The following RYR1 variants were observed in gnomAD, a reference collection of about 807,000 sequenced individuals.
RYR1 encodes ryanodine receptor 1, also known as central core disease of muscle.
In RYR1, 342 loss-of-function variants were observed where a neutral mutation model predicts 583.5. The observed-to-expected ratio is 0.59, with a 90% CI of 0.54 to 0.64. The LOEUF is 0.64. Ranked by LOEUF, RYR1 falls within the 30% of genes least tolerant of loss-of-function variation. The pLI is 0.00. For missense variants in RYR1, 6,032 were observed against 6,917.2 expected (o/e 0.87, Z 4.54); for synonymous variants, 2,791 against 2,822.5 (o/e 0.99, Z 0.35).
At chr19:38,584,849 G>A (rs553707381) in intron 101 of RYR1, 94 bp from the exon 102 acceptor site, 9 of 1,497,844 alleles carry the variant, frequency 6.0e-6, no homozygotes, top group South Asian at 4.7e-5. Context: ...TGTCTCAGTC[G>A]TTACCATGTC....
intron 13 of RYR1, among the ~76,000 whole-genome samples, chr19:38,454,259 C>G (rs1341205605): frequency 1.3e-5 from 2 of 152,196 alleles, no homozygotes; most frequent in Non-Finnish European, 2.9e-5. Flanking sequence ...AGGCTCGTCT[C>G]AAACTCCTGA....
chr19:38,474,795 G>C (rs543551750), intron 28 of RYR1, among the ~76,000 whole-genome samples: 1 of 150,956 alleles, frequency 6.6e-6, no homozygotes, highest in Admixed American at 6.6e-5. Flanking sequence ...GGCTGGTCTT[G>C]AACTCCTGAC....
At position 38,473,411 on chromosome 19, in the gene RYR1, C is replaced by T. The variant is rs150495044; in HGVS notation, c.3800C>T (p.Pro1267Leu). ...GTGGACGGCACTGTGGACACGCCCC[C>T]CTGCCTGCGCCTGACCCACCGCACC... ...SRVDGTVDTP[P>L]CLRLTHRTWG... Residue 1267 changes from proline to leucine, a missense_variant, in exon 28 of 106, where the codon CCC becomes CTC. Around this residue, in one of 11 missense-constraint regions of RYR1, gnomAD observed 2,627 missense variants for 2,961.3 expected, o/e 0.89. Transcript: ENST00000359596. 1.2e-6 allele frequency: 2 copies of T among 1,613,882 alleles called. No homozygotes were observed. The highest frequency in any genetic ancestry group is 2.2e-5 in the South Asian group (2 of 91,086).
At chr19:38,495,072 G>A (rs1382893843) in intron 39 of RYR1, among the ~76,000 whole-genome samples, 1 of 150,950 alleles carries the variant, frequency 6.6e-6, no homozygotes, top group Admixed American at 6.6e-5. Context: ...GACTAGTCTC[G>A]AACTCCTAAC....
rs574357386 is a variant in RYR1 at position 38,443,628 on chromosome 19, G to T, written c.341G>T (p.Arg114Leu). 5.6e-6 allele frequency: 9 copies of T among 1,614,056 alleles called. No homozygotes were observed. The highest frequency in any genetic ancestry group is 6.8e-6 in the Non-Finnish European group (8 of 1,179,960). Residue 114 changes from arginine to leucine, a missense_variant, in exon 4 of 106, where the codon CGC becomes CTC. This residue lies in a region of RYR1 where 338 missense variants were observed against 441.6 expected (regional missense o/e 0.77). Transcript: ENST00000359596. ...HAILLRHAHS[R>L]MYLSCLTTSR... ...ATCCTGCTCCGGCATGCACACAGCC[G>T]CATGGTGAGTGCAACCTCGGTGGGC... is the stretch of plus-strand genomic sequence containing the variant.
rs370928637 is a variant in RYR1, at chr19:38,532,556, C to A, written c.11193+15C>A. 3 of 1,614,160 alleles carry A rather than the reference C, an allele frequency of 1.9e-6. No homozygotes were observed. Among genetic ancestry groups the A allele is most frequent in the Middle Eastern group, 1.6e-4 (1 of 6,062 alleles). The stretch of plus-strand genomic sequence containing the variant: ...TCATGGCAAAGGTGAGGCCCTACCC[C>A]CCTCTTCTGGGGCAGATTTCCCTCT... On this transcript the variant is annotated intron_variant, in intron 77 of 105. Coordinates refer to ENST00000359596, the MANE Select transcript of RYR1 (RefSeq NM_000540.3).
At position 38,496,842 on chromosome 19, in the gene RYR1, C is replaced by CA; in HGVS notation, c.6797-17dup. On this transcript the variant is annotated splice_polypyrimidine_tract_variant and intron_variant, in intron 41 of 105. Transcript: ENST00000359596. This position sits in a 1 kb window ranked among gnomAD's most constrained non-coding sequence, Gnocchi z 4.8. Reference sequence around the variant, plus strand: ...ACAAGCAGGAGTGAGATGTTCTCCCCACCTCTCGCCCCTGCAGGCATGCAG... The same window carrying CA: ...ACAAGCAGGAGTGAGATGTTCTCCCCAACCTCTCGCCCCTGCAGGCATGCAG... 2 of 1,604,324 alleles carry CA rather than the reference C, an allele frequency of 1.2e-6. No homozygotes were observed. Among genetic ancestry groups the CA allele is most frequent in the Non-Finnish European group, 8.5e-7 (1 of 1,171,786 alleles).
rs61729397 is a variant in RYR1 at position 38,537,896 on chromosome 19, G to A, written c.11625G>A (p.Ala3875=). The A allele has an allele frequency of 1.8e-3, 2,897 of 1,614,024 alleles. 35 individuals carry two copies. In the African/African-American group the frequency reaches 0.032, roughly 18 times the overall value. Residue 3875 remains alanine, a synonymous_variant, in exon 84 of 106, where the codon GCG becomes GCA. Transcript: ENST00000359596. ...INRQNGEKVM[A]DDEFTQDLFR... ...TCCACCTAGGAGAGAAGGTCATGGC[G>A]GATGATGAATTCACACAAGACCTGT...
chr19:38,579,277 T>A (rs1974092365), intron 99 of RYR1, among the ~76,000 whole-genome samples: 1 of 151,746 alleles, frequency 6.6e-6, no homozygotes, highest in Admixed American at 6.6e-5. Context: ...ATACAAAAAT[T>A]AGCTGGGTGT....
At position 38,490,287 on chromosome 19, in the gene RYR1, C is replaced by T. The variant is rs757865466; in HGVS notation, c.6015+11C>T. 2.5e-6 allele frequency: 4 copies of T among 1,611,914 alleles called. 1 individual carries two copies. The South Asian group carries it at 4.4e-5, about 18-fold the overall frequency. On this transcript the variant is annotated intron_variant, in intron 36 of 105. Transcript: ENST00000359596. ...CCACCCCAGGAACAGGTCATCTGAC[C>T]CCTGACGCTGGCCACTTTTACTGTC... is the stretch of plus-strand genomic sequence containing the variant.
At chr19:38,537,224 GTGCGCCTGCCTCCTC>G (rs112317711) in intron 83 of RYR1, 7,226 of 249,018 alleles carry the variant, frequency 0.029, 163 homozygotes, top group Admixed American at 0.05. Context: ...TCTGATTGGT[GTGCGCCTGCCTCCTC>G]TGCGCCTGCC....
chr19:38,502,758 G>C (rs1285490530), intron 48 of RYR1, 31 bp downstream of exon 48: 2 of 549,354 alleles, frequency 3.6e-6, no homozygotes, highest in East Asian at 3.8e-5. Flanking sequence ...GGGTGGGGCA[G>C]GGGCAGGGGC....
At chr19:38,505,455 G>T in intron 53 of RYR1, 57 bp downstream of exon 53, 1 of 1,262,732 alleles carries the variant, frequency 7.9e-7, no homozygotes, top group South Asian at 1.3e-5. Context: ...CAAATTTGAG[G>T]ATTCGGGGAG....
intron 71 of RYR1, 26 bp from the exon 72 acceptor site, chr19:38,526,967 G>T: frequency 1.2e-6 from 2 of 1,613,538 alleles, no homozygotes; most frequent in South Asian, 2.2e-5. Context: ...CCTCCAGAGT[G>T]ACCCAGCCTG....
At chr19:38,539,288 T>C (rs1160971457) in intron 84 of RYR1, among the ~76,000 whole-genome samples, 2 of 149,980 alleles carry the variant, frequency 1.3e-5, no homozygotes, top group African/African-American at 4.9e-5. Flanking sequence ...TCGCCCAGAC[T>C]GGAGTGCAGT....
intron 1 of RYR1, among the ~76,000 whole-genome samples, chr19:38,437,293 C>T (rs1234551586): frequency 6.6e-6 from 1 of 152,150 alleles, no homozygotes; most frequent in East Asian, 1.9e-4. Context: ...TCAAGTGATG[C>T]GCCCACCTTG....
At chr19:38,446,050 C>A (rs1194870935) in intron 7 of RYR1, among the ~76,000 whole-genome samples, 1 of 152,098 alleles carries the variant, frequency 6.6e-6, no homozygotes, top group African/African-American at 2.4e-5. Flanking sequence ...ACTCCAGAAC[C>A]CAGCCTCAGA....
chr19:38,560,962 A>C, intron 89 of RYR1, 151 bp from the exon 90 acceptor site: 1 of 686,072 alleles, frequency 1.5e-6, no homozygotes, highest in Non-Finnish European at 2.4e-6. Flanking sequence ...TGGGGACGAG[A>C]GGGGATGTCT....
Position 38,565,174 on chromosome 19 carries a change from G to T in RYR1, c.12840G>T (p.Ala4280=), listed in dbSNP as rs1292456827. Residue 4280 remains alanine (A), a synonymous_variant, in exon 91 of 106, where the codon GCG becomes GCT. Transcript: ENST00000359596. The surrounding 1 kb of genome is among the most constrained non-coding windows in gnomAD (Gnocchi z 4.7). ...AGAEGAEEGA[A]GLEGTAATAA... is the part of the protein sequence containing the mutation. ...CGGAAGGCGCGGAGGAGGGCGCGGC[G>T]GGGCTCGAGGGCACGGCGGCCACGG... The T allele has an allele frequency of 2.1e-5, 25 of 1,215,182 alleles. No homozygotes were observed. Among genetic ancestry groups the T allele is most frequent in the Admixed American group, 4.3e-5 (1 of 23,436 alleles). The allele number at this position is 1,215,182 out of a possible 1,614,324, so 75.3% of individuals were successfully genotyped here. A position where few individuals can be genotyped will look rare whatever the true frequency, so the allele number is the denominator to read the frequency against.
Sources: gnomAD v4.1 joint callset for allele counts (sites outside exome capture counted in the v4.1 genomes callset) on GRCh38, gnomAD v4.1.1 for gene constraint, gnomAD v4.1.1 regional missense constraint, Gnocchi (gnomAD v3.1) non-coding constraint, MANE v1.5 for transcripts, NCBI Gene and HGNC (gene_info 2026-07-23, HGNC 2026-07-21) for gene names.